The following PHTF1 variants were observed in gnomAD, a reference collection of about 807,000 sequenced individuals.
PHTF1 encodes putative homeodomain transcription factor 1, also known as protein PHTF1.
Under a neutral mutation model 102.4 loss-of-function variants are expected in PHTF1, and 88 were observed. The ratio of observed to expected loss-of-function variants is 0.86; its 90% CI spans 0.72 to 1.03. PHTF1 has a LOEUF of 1.03. Ranked by LOEUF, PHTF1 falls within the 50% of genes least tolerant of loss-of-function variation. The pLI, the probability that PHTF1 is intolerant of heterozygous loss-of-function variation, is 0.00. For synonymous variants in PHTF1, 289 were observed against 305.2 expected (o/e 0.95, Z 0.55); for missense variants, 814 against 909.5 (o/e 0.89, Z 1.35).
chr1:113,737,581 T>C (rs1179677758), intron 5 of PHTF1, among the ~76,000 whole-genome samples: 4 of 152,154 alleles, frequency 2.6e-5, no homozygotes, highest in Admixed American at 2.6e-4. Flanking sequence ...CCAACACTTT[T>C]GGGCCTAAGA....
At position 113,711,990 on chromosome 1, in the gene PHTF1, AACC is replaced by A. The variant is rs762655356; in HGVS notation, c.904_906del (p.Gly302del). The A allele has an allele frequency of 6.2e-7, 1 of 1,614,072 alleles. No individual in the cohort carries two copies. The highest frequency in any genetic ancestry group is 1.1e-5 in the South Asian group (1 of 91,082). On this transcript the variant is annotated inframe_deletion, in exon 9 of 19. Transcript: ENST00000369604. ...ATTGATTTTCTATTCTTAACTTCACAACCATTGTCACTTGAGGCCCCTTCCACA... is the reference window on the plus strand; with the variant it reads ...ATTGATTTTCTATTCTTAACTTCACAATTGTCACTTGAGGCCCCTTCCACA...
At chr1:113,721,145 A>G (rs1652870114) in intron 7 of PHTF1, among the ~76,000 whole-genome samples, 1 of 152,190 alleles carries the variant, frequency 6.6e-6, no homozygotes, top group Non-Finnish European at 1.5e-5. Context: ...AAATAAAAAG[A>G]TCATTCATCA....
At chr1:113,704,272 T>C (rs1348958168) in intron 14 of PHTF1, 105 bp from the exon 15 acceptor site, 1 of 601,320 alleles carries the variant, frequency 1.7e-6, no homozygotes, top group African/African-American at 1.9e-5. Context: ...GAAAATAATG[T>C]TTATAAGAAG....
chr1:113,716,771 A>T (rs1652107782), intron 7 of PHTF1, among the ~76,000 whole-genome samples: 1 of 152,232 alleles, frequency 6.6e-6, no homozygotes, highest in Admixed American at 6.5e-5. Context: ...ACAAAAGCTG[A>T]AGGATTTCAT....
intron 5 of PHTF1, among the ~76,000 whole-genome samples, chr1:113,730,300 C>A (rs1654451263): frequency 6.6e-6 from 1 of 151,638 alleles, no homozygotes; most frequent in East Asian, 1.9e-4. Context: ...ATTTGTAATT[C>A]ATCTCAAATG....
In PHTF1 at chr1:113,759,139, G is replaced by T; in HGVS notation, c.-147C>A. The stretch of plus-strand genomic sequence containing the variant: ...AGGCAGGCCGCATCTTCCCCTCCAG[G>T]CGGAGACGCCGGAGAGGCCGTTACC... On this transcript the variant is annotated 5_prime_UTR_variant, in exon 1 of 19. Transcript: ENST00000369604. 1 of 952,526 alleles carries T rather than the reference G, an allele frequency of 1.0e-6. No individual in the cohort carries two copies. Among genetic ancestry groups the T allele is most frequent in the Non-Finnish European group, 1.3e-6 (1 of 799,238 alleles). The allele number at this position is 952,526 out of a possible 1,614,324, so 59.0% of individuals were successfully genotyped here.
intron 5 of PHTF1, among the ~76,000 whole-genome samples, chr1:113,731,187 T>TA (rs925337598): frequency 9.2e-5 from 14 of 151,902 alleles, no homozygotes; most frequent in East Asian, 1.9e-4. Context: ...GTTACCACAA[T>TA]AAAAAAAATT....
chr1:113,748,807 C>T (rs1444452409), intron 3 of PHTF1, among the ~76,000 whole-genome samples: 2 of 152,240 alleles, frequency 1.3e-5, no homozygotes, highest in African/African-American at 4.8e-5. Flanking sequence ...GCTGAGATTA[C>T]AGGCGTGAGC....
chr1:113,755,779 C>A (rs377256084), intron 3 of PHTF1, among the ~76,000 whole-genome samples: 32 of 152,104 alleles, frequency 2.1e-4, no homozygotes, highest in African/African-American at 7.7e-4. Context: ...TCAGGCAGGG[C>A]GCGGTGGCTC....
Position 113,731,517 on chromosome 1 carries a change from T to C in PHTF1, c.332-4943A>G, listed in dbSNP as rs146898496. ...CTGCACTCCAGCCTGGGAGTAAGAGTGAGACCCCGTCTCTATTTTAAAAAA... is the reference window on the plus strand; with the variant it reads ...CTGCACTCCAGCCTGGGAGTAAGAGCGAGACCCCGTCTCTATTTTAAAAAA... On this transcript the variant is annotated intron_variant, in intron 5 of 18. Transcript: ENST00000369604. Among the ~76,000 whole-genome samples the C allele has an allele frequency of 3.8e-3, 526 of 137,070 alleles. 4 individuals are homozygous for C. The highest frequency in any genetic ancestry group is 0.014 in the African/African-American group (499 of 36,424). The allele number at this position is 137,070 out of a possible 152,430, so 89.9% of individuals were successfully genotyped here. A position where few individuals can be genotyped will look rare whatever the true frequency, so the allele number is the denominator to read the frequency against.
intron 3 of PHTF1, among the ~76,000 whole-genome samples, chr1:113,741,895 T>A (rs572150381): frequency 1.3e-5 from 2 of 152,286 alleles, no homozygotes; most frequent in Admixed American, 1.3e-4. Context: ...ATTAATAAAC[T>A]TATGACTACT....
intron 3 of PHTF1, among the ~76,000 whole-genome samples, chr1:113,756,478 A>G (rs1658896523): frequency 2.0e-5 from 3 of 152,222 alleles, no homozygotes; most frequent in Non-Finnish European, 4.4e-5. Flanking sequence ...TAATGCAAAA[A>G]CAAGAATCAG....
In PHTF1 at chr1:113,759,038, C is replaced by G. The variant is rs887059488; in HGVS notation, c.-46G>C. 9.8e-7 allele frequency: 1 copy of G among 1,020,230 alleles called. No individual in the cohort carries two copies. Among genetic ancestry groups the G allele is most frequent in the African/African-American group, 1.7e-5 (1 of 58,600 alleles). 63.2% of individuals were successfully genotyped at this position (1,020,230 alleles called of 1,614,324 possible). A position where few individuals can be genotyped will look rare whatever the true frequency, so the allele number is the denominator to read the frequency against. ...CGGCTCTCACCTAGTGCCCGTTGCC[C>G]CGCGGGCCGGCGCCCGGGACCTCCG... On this transcript the variant is annotated 5_prime_UTR_variant, in exon 1 of 19. Coordinates refer to ENST00000369604, the MANE Select transcript of PHTF1 (RefSeq NM_001323043.2).
intron 7 of PHTF1, among the ~76,000 whole-genome samples, chr1:113,723,780 A>C (rs903946326): frequency 1.3e-5 from 2 of 152,238 alleles, no homozygotes; most frequent in Admixed American, 1.3e-4. Flanking sequence ...AAATGAGATC[A>C]CATCAAGTTA....
intron 5 of PHTF1, among the ~76,000 whole-genome samples, chr1:113,736,959 T>G (rs1272746809): frequency 6.6e-6 from 1 of 152,132 alleles, no homozygotes; most frequent in Non-Finnish European, 1.5e-5. Flanking sequence ...GAAAATGACA[T>G]TATATGGCTT....
chr1:113,703,502 T>A (rs951317336), intron 15 of PHTF1, among the ~76,000 whole-genome samples: 2 of 152,094 alleles, frequency 1.3e-5, no homozygotes, highest in African/African-American at 4.8e-5. Context: ...AAAGCAAATA[T>A]AGTAACAGGT....
chr1:113,706,729 A>C lies in PHTF1; in HGVS notation c.1270-7T>G, dbSNP rs1557909254. 1 of 1,591,490 alleles carries C rather than the reference A, an allele frequency of 6.3e-7. No individual in the cohort carries two copies. Among genetic ancestry groups the C allele is most frequent in the Non-Finnish European group, 8.6e-7 (1 of 1,169,114 alleles). ...GAAGCCAGAATAAATGATTCTGAGA[A>C]GAAAAATATAAAATTGTTTCTATCC... is the stretch of plus-strand genomic sequence containing the variant. On this transcript the variant is annotated splice_region_variant and splice_polypyrimidine_tract_variant and intron_variant, in intron 11 of 18. Transcript: ENST00000369604.
chr1:113,731,902 TAA>T (rs562312013), intron 5 of PHTF1, among the ~76,000 whole-genome samples: 36 of 109,250 alleles, frequency 3.3e-4, no homozygotes, highest in Non-Finnish European at 3.3e-4. Context: ...GTCTCAATTT[TAA>T]AAAAAAAAAA....
At chr1:113,754,179 G>C (rs999577432) in intron 3 of PHTF1, among the ~76,000 whole-genome samples, 3 of 152,148 alleles carry the variant, frequency 2.0e-5, no homozygotes, top group African/African-American at 4.8e-5. Flanking sequence ...GAGAGGACAA[G>C]GTGGAAGCAC....
Sources: gnomAD v4.1 joint callset for allele counts (sites outside exome capture counted in the v4.1 genomes callset) on GRCh38, gnomAD v4.1.1 for gene constraint, MANE v1.5 for transcripts, NCBI Gene and HGNC (gene_info 2026-07-23, HGNC 2026-07-21) for gene names.